SMG6: variants seen among roughly 807,000 people sequenced by gnomAD.
The protein encoded by SMG6 is SMG6 nonsense mediated mRNA decay factor, also known as telomerase-binding protein EST1A.
Under a neutral mutation model 142.2 loss-of-function variants are expected in SMG6, and 66 were observed. The observed-to-expected ratio is 0.46, with a 90% CI of 0.38 to 0.57. SMG6 has a LOEUF of 0.57. SMG6 is among the 20% of genes least tolerant of loss of function. SMG6 has a pLI of 0.00. For synonymous variants in SMG6, 779 were observed against 702.4 expected (o/e 1.11, Z -1.72); for missense variants, 1,793 against 1,832.0 (o/e 0.98, Z 0.39).
At chr17:2,227,394 G>A (rs946588679) in intron 10 of SMG6, among the ~76,000 whole-genome samples, 1 of 152,176 alleles carries the variant, frequency 6.6e-6, no homozygotes, top group South Asian at 2.1e-4. Context: ...GCAAGGAAAT[G>A]AAATACTGAT....
At chr17:2,276,757 AG>A (rs1009274589) in intron 8 of SMG6, among the ~76,000 whole-genome samples, 2 of 151,936 alleles carry the variant, frequency 1.3e-5, no homozygotes, top group African/African-American at 4.8e-5. Flanking sequence ...ACCCTTCCCA[AG>A]TCCACTTCCA....
intron 13 of SMG6, among the ~76,000 whole-genome samples, chr17:2,145,024 C>T (rs935919031): frequency 3.3e-5 from 5 of 152,198 alleles, no homozygotes; most frequent in Admixed American, 6.5e-5. Flanking sequence ...ATCTTTTGTT[C>T]ATTTAGTTCT....
rs2068798803 is a variant in SMG6, at chr17:2,094,222, A to G, written c.3358-8321T>C. Among the ~76,000 whole-genome samples the G allele has an allele frequency of 2.0e-5, 3 of 152,068 alleles. No homozygotes were observed. In the South Asian group the frequency reaches 6.2e-4, roughly 32 times the overall value. On this transcript the variant is annotated intron_variant, in intron 13 of 18. Transcript: ENST00000263073. ...TGCTAGTGGGATCGTTGAGGGTTTG[A>G]GGAGGCCCTGCAAACCCTGCAACGT...
chr17:2,108,818 C>A (rs183479906), intron 13 of SMG6, among the ~76,000 whole-genome samples: 174 of 151,982 alleles, frequency 1.1e-3, no homozygotes, highest in Middle Eastern at 3.4e-3. Context: ...GTGGCGGGCG[C>A]CTGTAATCGC....
At chr17:2,246,604 G>A (rs1258265109) in intron 8 of SMG6, among the ~76,000 whole-genome samples, 1 of 152,174 alleles carries the variant, frequency 6.6e-6, no homozygotes, top group Non-Finnish European at 1.5e-5. Context: ...AAGATAACCT[G>A]TCTATACAGC....
intron 15 of SMG6, among the ~76,000 whole-genome samples, chr17:2,080,123 A>G (rs961954760): frequency 1.4e-5 from 2 of 142,828 alleles, no homozygotes; most frequent in Non-Finnish European, 3.0e-5. Context: ...ACAAAACAAA[A>G]GAATGATGGA....
At chr17:2,165,735 C>T (rs1039966091) in intron 13 of SMG6, among the ~76,000 whole-genome samples, 4 of 151,998 alleles carry the variant, frequency 2.6e-5, no homozygotes, top group Non-Finnish European at 4.4e-5. Context: ...GGCCTTGCCT[C>T]TAATAAAAAA....
intron 13 of SMG6, among the ~76,000 whole-genome samples, chr17:2,122,060 C>T (rs979677031): frequency 6.6e-6 from 1 of 152,060 alleles, no homozygotes; most frequent in Non-Finnish European, 1.5e-5. Context: ...TCTCGAACTC[C>T]TGGCTGCAAG....
intron 4 of SMG6, 37 bp downstream of exon 4, chr17:2,297,204 ATG>A (rs773100527): frequency 6.9e-7 from 1 of 1,454,672 alleles, no homozygotes; most frequent in East Asian, 2.3e-5. Flanking sequence ...CGCTTACGAA[ATG>A]AATGAAAATT....
At chr17:2,181,228 G>A (rs982186254) in intron 12 of SMG6, among the ~76,000 whole-genome samples, 19 of 152,194 alleles carry the variant, frequency 1.2e-4, no homozygotes, top group Non-Finnish European at 2.4e-4. Flanking sequence ...GAGAATATGG[G>A]AAACAAAAGA....
At chr17:2,112,290 G>A (rs1281509527) in intron 13 of SMG6, among the ~76,000 whole-genome samples, 2 of 151,704 alleles carry the variant, frequency 1.3e-5, no homozygotes, top group African/African-American at 4.8e-5. Flanking sequence ...GGATCACGAG[G>A]TCAGGAGATC....
intron 13 of SMG6, among the ~76,000 whole-genome samples, chr17:2,102,827 T>G (rs1179743810): frequency 6.6e-6 from 1 of 152,164 alleles, no homozygotes; most frequent in Non-Finnish European, 1.5e-5. Flanking sequence ...GTAGCCACCA[T>G]CCTACTCTCT....
At chr17:2,268,080 T>C (rs763600262) in intron 8 of SMG6, among the ~76,000 whole-genome samples, 15 of 152,126 alleles carry the variant, frequency 9.9e-5, no homozygotes, top group Non-Finnish European at 1.8e-4. Flanking sequence ...AATATTTTTA[T>C]TATTATTAGA....
At chr17:2,132,913 C>G (rs576646500) in intron 13 of SMG6, among the ~76,000 whole-genome samples, 165 of 152,320 alleles carry the variant, frequency 1.1e-3, no homozygotes, top group African/African-American at 3.3e-3. Context: ...CCCCAGGAAG[C>G]TGGGACTACA....
intron 13 of SMG6, among the ~76,000 whole-genome samples, chr17:2,144,371 A>G (rs1269992965): frequency 6.6e-6 from 1 of 151,734 alleles, no homozygotes; most frequent in African/African-American, 2.4e-5. Context: ...CTGGCCATTA[A>G]TTTTTAAATC....
chr17:2,061,467 G>T lies in SMG6; in HGVS notation c.*25C>A, dbSNP rs751395020. 10 of 1,559,670 alleles carry T rather than the reference G, an allele frequency of 6.4e-6. No individual in the cohort carries two copies. The highest frequency in any genetic ancestry group is 2.3e-5 in the South Asian group (2 of 86,184). On this transcript the variant is annotated 3_prime_UTR_variant, in exon 19 of 19. Coordinates refer to ENST00000263073, the MANE Select transcript of SMG6 (RefSeq NM_017575.5). ...GTGGCCTTTCAGGAACGGTTCCACGGGGGGGGGGCCCCAGTGTGGCTCCCT... is the reference window on the plus strand; with the variant it reads ...GTGGCCTTTCAGGAACGGTTCCACGTGGGGGGGGCCCCAGTGTGGCTCCCT...
At chr17:2,093,687 A>C (rs1233651365) in intron 13 of SMG6, among the ~76,000 whole-genome samples, 1 of 152,196 alleles carries the variant, frequency 6.6e-6, no homozygotes, top group Non-Finnish European at 1.5e-5. Flanking sequence ...AGCTGCAAAA[A>C]AAATTTTTTT....
At chr17:2,113,188 G>C (rs2069392594) in intron 13 of SMG6, among the ~76,000 whole-genome samples, 1 of 152,048 alleles carries the variant, frequency 6.6e-6, no homozygotes, top group Non-Finnish European at 1.5e-5. Context: ...CGCGACTTCA[G>C]CCTCCTGATT....
At chr17:2,289,055 G>A (rs1359254616) in intron 6 of SMG6, among the ~76,000 whole-genome samples, 1 of 147,796 alleles carries the variant, frequency 6.8e-6, no homozygotes, top group Admixed American at 6.7e-5. Flanking sequence ...CTCCAGCCTG[G>A]GCAACAGAGC....
Sources: allele counts gnomAD v4.1 joint callset (sites outside exome capture counted in the v4.1 genomes callset), GRCh38; gene constraint gnomAD v4.1.1; transcripts MANE v1.5; gene names NCBI Gene and HGNC (gene_info 2026-07-23, HGNC 2026-07-21).